MYRIP: variants seen among roughly 807,000 people sequenced by gnomAD.
MYRIP encodes the protein rab effector MyRIP.
In MYRIP, 49 loss-of-function variants were observed where a neutral mutation model predicts 98.0. The ratio of observed to expected loss-of-function variants is 0.50; its 90% CI spans 0.40 to 0.63. MYRIP has a LOEUF of 0.63. Among genes scored for constraint, MYRIP ranks in the 30% least tolerant of loss-of-function variants. MYRIP has a pLI of 0.00. For synonymous variants in MYRIP, 404 were observed against 409.5 expected (o/e 0.99, Z 0.16); for missense variants, 1,004 against 1,058.2 (o/e 0.95, Z 0.71).
chr3:40,242,067 C>T (rs1018358083), intron 12 of MYRIP: 2 of 152,090 alleles, frequency 1.3e-5, no homozygotes. Flanking sequence ...TAGCTTCAGC[C>T]CTCCTGAGAT....
intron 1 of MYRIP, among the ~76,000 whole-genome samples, chr3:39,866,022 A>G (rs1157656623): frequency 1.3e-5 from 2 of 152,188 alleles, no homozygotes; most frequent in East Asian, 3.8e-4. Context: ...CGTCCTTTGT[A>G]GCAACATCAG....
chr3:39,951,907 A>G (rs1399096917), intron 2 of MYRIP, among the ~76,000 whole-genome samples: 1 of 152,182 alleles, frequency 6.6e-6, no homozygotes, highest in Non-Finnish European at 1.5e-5. Context: ...TTATGATGGT[A>G]TAATGTACAT....
intron 2 of MYRIP, among the ~76,000 whole-genome samples, chr3:39,951,891 C>CGTTT (rs1945025486): frequency 6.6e-6 from 1 of 152,024 alleles, no homozygotes; most frequent in Non-Finnish European, 1.5e-5. Context: ...TCTTTTTAAA[C>CGTTT]GCGCTTTATG....
intron 1 of MYRIP, among the ~76,000 whole-genome samples, chr3:39,887,239 A>C (rs1170355369): frequency 1.3e-5 from 2 of 152,062 alleles, no homozygotes; most frequent in African/African-American, 4.8e-5. Context: ...AGAAAGCAGG[A>C]AAGATCCAAA....
intron 3 of MYRIP, among the ~76,000 whole-genome samples, chr3:40,075,546 C>G (rs896332525): frequency 6.6e-6 from 1 of 152,186 alleles, no homozygotes; most frequent in African/African-American, 2.4e-5. Flanking sequence ...GTGCCTCAAT[C>G]CTCTTGAGTA....
intron 4 of MYRIP, among the ~76,000 whole-genome samples, chr3:40,159,455 A>G (rs2125586065): frequency 6.6e-6 from 1 of 152,110 alleles, no homozygotes; most frequent in South Asian, 2.1e-4. Flanking sequence ...AGTTTGGTGA[A>G]TCTGACAATT....
chr3:40,031,508 G>A (rs901037948), intron 2 of MYRIP, among the ~76,000 whole-genome samples: 10 of 152,124 alleles, frequency 6.6e-5, no homozygotes, highest in African/African-American at 2.4e-4. Flanking sequence ...TGCAAGACAA[G>A]GCAGCTGAAA....
At chr3:40,132,853 C>A (rs1949676958) in intron 3 of MYRIP, among the ~76,000 whole-genome samples, 1 of 152,274 alleles carries the variant, frequency 6.6e-6, no homozygotes, top group Non-Finnish European at 1.5e-5. Flanking sequence ...CATGTGCTGG[C>A]AGTCCAGCTG....
intron 2 of MYRIP, among the ~76,000 whole-genome samples, chr3:39,934,436 C>T (rs1205461611): frequency 6.6e-6 from 1 of 152,058 alleles, no homozygotes; most frequent in African/African-American, 2.4e-5. Flanking sequence ...GTGGCAGAGA[C>T]GAGTCTGGGA....
chr3:39,841,413 C>T (rs55865773), intron 1 of MYRIP, among the ~76,000 whole-genome samples: 8,070 of 152,078 alleles, frequency 0.053, 286 homozygotes, highest in Middle Eastern at 0.11. Flanking sequence ...TCCTTTAGCT[C>T]GGAGGAGTTT....
At chr3:40,204,071 TATATAATATATTTATATATTATATA>T (rs1951696574) in intron 10 of MYRIP, among the ~76,000 whole-genome samples, 1 of 1,614 alleles carries the variant, frequency 6.2e-4, no homozygotes, top group African/African-American at 8.3e-4. Flanking sequence ...TAATAAATAT[TATATAATATATTTATATATTATATA>T]ATATATTATA....
At chr3:40,159,995 C>T (rs1351114735) in intron 4 of MYRIP, among the ~76,000 whole-genome samples, 3 of 152,148 alleles carry the variant, frequency 2.0e-5, no homozygotes, top group Admixed American at 6.5e-5. Context: ...TCTCTCAGGT[C>T]GTCAAAGTCA....
chr3:40,177,624 C>T (rs535554660), intron 8 of MYRIP, among the ~76,000 whole-genome samples: 3 of 152,302 alleles, frequency 2.0e-5, no homozygotes, highest in Non-Finnish European at 2.9e-5. Context: ...CCTCATTGTG[C>T]GCTCTCTGCC....
At chr3:40,148,309 G>A (rs756601582) in intron 3 of MYRIP, among the ~76,000 whole-genome samples, 10 of 152,080 alleles carry the variant, frequency 6.6e-5, no homozygotes, top group South Asian at 4.2e-4. Context: ...TTGGTAGGCC[G>A]TCTTAACCTA....
At chr3:39,860,927 C>T (rs754540653) in intron 1 of MYRIP, among the ~76,000 whole-genome samples, 2 of 152,242 alleles carry the variant, frequency 1.3e-5, no homozygotes, top group Non-Finnish European at 2.9e-5. Flanking sequence ...GATTCTGCCA[C>T]TGGAGTGAAC....
chr3:39,837,693 A>C (rs547950031), intron 1 of MYRIP, among the ~76,000 whole-genome samples: 2 of 152,326 alleles, frequency 1.3e-5, no homozygotes, highest in East Asian at 3.9e-4. Context: ...TGTCTTGGCT[A>C]TACAGGCTCT....
chr3:39,984,495 C>T (rs139757807), intron 2 of MYRIP, among the ~76,000 whole-genome samples: 3,243 of 151,968 alleles, frequency 0.021, 44 homozygotes, highest in African/African-American at 0.036. Context: ...TTTGTTCTTG[C>T]GATAGTTTAC....
intron 3 of MYRIP, among the ~76,000 whole-genome samples, chr3:40,082,469 G>A (rs1948498935): frequency 6.6e-6 from 1 of 152,106 alleles, no homozygotes; most frequent in Non-Finnish European, 1.5e-5. Flanking sequence ...TTCATGTAAA[G>A]TTTTTCATTA....
chr3:39,969,314 T>G (rs563103065), intron 2 of MYRIP, among the ~76,000 whole-genome samples: 16 of 152,310 alleles, frequency 1.1e-4, no homozygotes, highest in Non-Finnish European at 1.0e-4. Flanking sequence ...CCCCTTTATT[T>G]CTTTCTATTG....
Sources: gnomAD v4.1 joint callset for allele counts (sites outside exome capture counted in the v4.1 genomes callset) on GRCh38, gnomAD v4.1.1 for gene constraint, MANE v1.5 for transcripts, NCBI Gene and HGNC (gene_info 2026-07-23, HGNC 2026-07-21) for gene names.